The following PALM2AKAP2 variants were observed in gnomAD, a reference collection of about 807,000 sequenced individuals.
PALM2AKAP2 encodes the protein PALM2-AKAP2 fusion protein.
Under a neutral mutation model 71.5 loss-of-function variants are expected in PALM2AKAP2, and 37 were observed. The ratio of observed to expected loss-of-function variants is 0.52; its 90% CI spans 0.40 to 0.68. PALM2AKAP2 has a LOEUF of 0.68. Among genes scored for constraint, PALM2AKAP2 ranks in the 30% least tolerant of loss-of-function variants. The pLI, the probability that PALM2AKAP2 is intolerant of heterozygous loss-of-function variation, is 0.00. For synonymous variants in PALM2AKAP2, 468 were observed against 478.8 expected, an observed-to-expected ratio of 0.98 and a Z score of 0.29; for missense variants, 1,224 against 1,191.8, an observed-to-expected ratio of 1.03 and a Z score of -0.40.
At chr9:109,961,843 G>T (rs1831857569) in intron 6 of PALM2AKAP2, among the ~76,000 whole-genome samples, 1 of 152,106 alleles carries the variant, frequency 6.6e-6, no homozygotes, top group Non-Finnish European at 1.5e-5. Context: ...CACCATTTTT[G>T]ATCAGTTTCA....
chr9:109,824,607 A>T (rs562386988), intron 1 of PALM2AKAP2, among the ~76,000 whole-genome samples: 39 of 152,324 alleles, frequency 2.6e-4, no homozygotes, highest in African/African-American at 9.1e-4. Context: ...TTCCCTACAG[A>T]TGGACCCTTT....
chr9:110,079,045 A>G (rs1406592547), intron 1 of PALM2AKAP2, among the ~76,000 whole-genome samples: 2 of 152,194 alleles, frequency 1.3e-5, no homozygotes. Context: ...TAAAATCAGT[A>G]CTTTGCTTCC....
chr9:109,905,338 G>A (rs973412569), intron 3 of PALM2AKAP2, among the ~76,000 whole-genome samples: 2 of 152,118 alleles, frequency 1.3e-5, no homozygotes, highest in East Asian at 1.9e-4. Flanking sequence ...CTCCCAGGGG[G>A]CACGCATGAG....
At chr9:109,655,101 G>C (rs963922119) in intron 1 of PALM2AKAP2, among the ~76,000 whole-genome samples, 2 of 152,024 alleles carry the variant, frequency 1.3e-5, no homozygotes, top group African/African-American at 4.8e-5. Context: ...CATCCTGGCT[G>C]ATGGTCTCAG....
At chr9:109,854,338 G>T (rs1316840970) in intron 1 of PALM2AKAP2, among the ~76,000 whole-genome samples, 1 of 152,158 alleles carries the variant, frequency 6.6e-6, no homozygotes, top group East Asian at 1.9e-4. Flanking sequence ...ATCTATTTAG[G>T]TTTAAACTAC....
chr9:109,833,333 C>G (rs953951483), intron 1 of PALM2AKAP2, among the ~76,000 whole-genome samples: 3 of 152,026 alleles, frequency 2.0e-5, no homozygotes, highest in African/African-American at 7.3e-5. Flanking sequence ...CCAGCCTGGG[C>G]GACAGAGTGA....
intron 2 of PALM2AKAP2, among the ~76,000 whole-genome samples, chr9:109,875,961 A>G (rs1028916237): frequency 6.6e-6 from 1 of 152,128 alleles, no homozygotes; most frequent in Non-Finnish European, 1.5e-5. Context: ...ACTTGCCATG[A>G]TGACATTCGT....
intron 2 of PALM2AKAP2, among the ~76,000 whole-genome samples, chr9:110,154,150 A>G (rs1157489776): frequency 6.6e-6 from 1 of 152,248 alleles, no homozygotes; most frequent in East Asian, 1.9e-4. Context: ...AGCTAGAATC[A>G]TTAGATGCTT....
chr9:110,090,417 G>A (rs1393907170), intron 1 of PALM2AKAP2: 3 of 456,612 alleles, frequency 6.6e-6, no homozygotes, highest in African/African-American at 2.0e-5. Flanking sequence ...TCTCTTCACG[G>A]TAGGTCTCAG....
intron 1 of PALM2AKAP2, chr9:110,125,532 G>A (rs1190901130): frequency 1.2e-5 from 12 of 985,434 alleles, no homozygotes; most frequent in African/African-American, 7.0e-5. Flanking sequence ...CAGGGTGCAC[G>A]CAGGAATCTG....
chr9:110,055,101 G>A lies in PALM2AKAP2; in HGVS notation c.156+6246G>A, dbSNP rs545191930. 2.0e-5 allele frequency among the ~76,000 whole-genome samples: 3 copies of A among 151,058 alleles called. No homozygotes were observed. The East Asian group carries it at 5.8e-4, about 29-fold the overall frequency. On this transcript the variant is annotated intron_variant, in intron 1 of 3. Coordinates refer to ENST00000374525, the Ensembl canonical transcript of PALM2AKAP2. The stretch of plus-strand genomic sequence containing the variant: ...TAGTTGATCCTTCTTTAAGCTTTGA[G>A]TAATTCAGGAATTGGTCTTCATTGG...
In PALM2AKAP2 at chr9:109,701,270, G is replaced by A. The variant is rs200067983; in HGVS notation, c.5+60404G>A. On this transcript the variant is annotated intron_variant, in intron 1 of 6. Transcript: ENST00000374531. ...TTAAAGTTCATATGGAACCAAAAAA[G>A]AGCCCACATTGCCAAGTCAATCCTA... is the stretch of plus-strand genomic sequence containing the variant. 1.7e-3 allele frequency among the ~76,000 whole-genome samples: 261 copies of A among 152,268 alleles called. 5 individuals are homozygous for A. The East Asian group carries it at 0.041, about 24-fold the overall frequency.
At chr9:109,704,606 G>A (rs1481600448) in intron 1 of PALM2AKAP2, among the ~76,000 whole-genome samples, 4 of 152,118 alleles carry the variant, frequency 2.6e-5, no homozygotes, top group African/African-American at 4.8e-5. Context: ...CCAGAGGGTG[G>A]CCCCTGCTGA....
intron 2 of PALM2AKAP2, among the ~76,000 whole-genome samples, chr9:109,878,346 G>A (rs925471496): frequency 6.6e-6 from 1 of 152,168 alleles, no homozygotes; most frequent in Non-Finnish European, 1.5e-5. Flanking sequence ...ATTGAGGTGT[G>A]GGGGTGGATC....
At chr9:110,108,077 A>ATTTT (rs34788989) in intron 1 of PALM2AKAP2, among the ~76,000 whole-genome samples, 11 of 122,074 alleles carry the variant, frequency 9.0e-5, no homozygotes, top group Admixed American at 3.2e-4. Context: ...TTTTGCTGTT[A>ATTTT]TTTTTTTTTT....
intron 2 of PALM2AKAP2, among the ~76,000 whole-genome samples, chr9:109,876,956 T>C (rs941639424): frequency 2.6e-5 from 4 of 152,068 alleles, no homozygotes; most frequent in African/African-American, 9.7e-5. Context: ...GGCAGCTAAG[T>C]TGGTGAGAAG....
Position 109,744,700 on chromosome 9 carries a change from G to C in PALM2AKAP2, c.6-35788G>C, listed in dbSNP as rs1038887431. Among the ~76,000 whole-genome samples the C allele has an allele frequency of 2.6e-5, 4 of 152,092 alleles. No homozygotes were observed. The East Asian group carries it at 7.7e-4, about 29-fold the overall frequency. ...ATAATTTGCTCCAGTGCATTAACTG[G>C]GATTCCAGGAATGTTCTAAGCACCC... is the stretch of plus-strand genomic sequence containing the variant. On this transcript the variant is annotated intron_variant, in intron 1 of 6. Transcript: ENST00000374531.
At chr9:109,650,289 C>T (rs1827207960) in intron 1 of PALM2AKAP2, among the ~76,000 whole-genome samples, 1 of 141,254 alleles carries the variant, frequency 7.1e-6, no homozygotes, top group Admixed American at 7.0e-5. Flanking sequence ...CTGTAGAGGA[C>T]TATATCACCT....
At chr9:109,847,021 G>A (rs1025442992) in intron 1 of PALM2AKAP2, among the ~76,000 whole-genome samples, 1 of 152,230 alleles carries the variant, frequency 6.6e-6, no homozygotes, top group Non-Finnish European at 1.5e-5. Flanking sequence ...CCAGTGGGGA[G>A]ATGGCTATGT....
Sources: allele counts gnomAD v4.1 joint callset (sites outside exome capture counted in the v4.1 genomes callset), GRCh38; gene constraint gnomAD v4.1.1; transcripts MANE v1.5; gene names NCBI Gene and HGNC (gene_info 2026-07-23, HGNC 2026-07-21).